Variants in SMC1B observed in about 807,000 individuals in gnomAD.
SMC1B encodes the protein structural maintenance of chromosomes protein 1B.
A neutral mutation model predicts 157.9 loss-of-function variants in SMC1B; 60 were observed. The observed-to-expected ratio is 0.38, with a 90% CI of 0.31 to 0.47. SMC1B has a LOEUF of 0.47. SMC1B is among the 20% of genes least tolerant of loss of function. The pLI is 0.99. For synonymous variants in SMC1B, 445 were observed against 483.0 expected (o/e 0.92, Z 1.03); for missense variants, 1,165 against 1,426.2 (o/e 0.82, Z 2.95).
At chr22:45,400,065 T>C (rs2087174602) in intron 5 of SMC1B, among the ~76,000 whole-genome samples, 1 of 152,310 alleles carries the variant, frequency 6.6e-6, no homozygotes, top group African/African-American at 2.4e-5. Context: ...ATATAGATGG[T>C]CACATATGAA....
chr22:45,384,966 C>G (rs1278623766), intron 11 of SMC1B, among the ~76,000 whole-genome samples: 1 of 152,062 alleles, frequency 6.6e-6, no homozygotes, highest in East Asian at 1.9e-4. Flanking sequence ...TACTTACTGA[C>G]ATTTTTCTGG....
At chr22:45,378,019 T>A (rs1343934182) in intron 12 of SMC1B, among the ~76,000 whole-genome samples, 1 of 152,110 alleles carries the variant, frequency 6.6e-6, no homozygotes, top group African/African-American at 2.4e-5. Context: ...TTTAATTTTT[T>A]ATTTTTTGTA....
chr22:45,350,309 C>T (rs2086600027), intron 22 of SMC1B, among the ~76,000 whole-genome samples: 3 of 144,836 alleles, frequency 2.1e-5, no homozygotes, highest in South Asian at 4.4e-4. Flanking sequence ...GATGGAGTCC[C>T]GCTCTGTCAC....
intron 5 of SMC1B, among the ~76,000 whole-genome samples, chr22:45,401,041 ATGGTATTCTGG>A (rs2087186388): frequency 6.6e-6 from 1 of 152,258 alleles, no homozygotes; most frequent in African/African-American, 2.4e-5. Context: ...TAAATGTAAT[ATGGTATTCTGG>A]ATCATAAAAA....
rs551246780 is a variant in SMC1B at position 45,344,544 on chromosome 22, G to C, written c.*12C>G. On this transcript the variant is annotated 3_prime_UTR_variant, in exon 25 of 25. Coordinates refer to ENST00000357450, the MANE Select transcript of SMC1B (RefSeq NM_148674.5). ...ACTGAACAGTGATCAGGTGACTGCTGCAGGACTGCCCCTAGCGGGACTCTC... is the reference window on the plus strand; with the variant it reads ...ACTGAACAGTGATCAGGTGACTGCTCCAGGACTGCCCCTAGCGGGACTCTC... The C allele has an allele frequency of 3.1e-6, 5 of 1,589,654 alleles. No homozygotes were observed. The East Asian group carries it at 6.7e-5, about 21-fold the overall frequency.
At chr22:45,352,151 C>G (rs2086621734) in intron 22 of SMC1B, among the ~76,000 whole-genome samples, 1 of 151,370 alleles carries the variant, frequency 6.6e-6, no homozygotes, top group African/African-American at 2.4e-5. Context: ...ACTCAGGTGA[C>G]TCAGGCAGAA....
chr22:45,377,855 C>CT (rs897467093), intron 12 of SMC1B, among the ~76,000 whole-genome samples: 172 of 144,566 alleles, frequency 1.2e-3, no homozygotes, highest in Middle Eastern at 0.011. Flanking sequence ...AATTGCTTTC[C>CT]TTTTTTTTTT....
At chr22:45,356,370 G>A (rs916988623) in intron 19 of SMC1B, among the ~76,000 whole-genome samples, 17 of 152,194 alleles carry the variant, frequency 1.1e-4, no homozygotes, top group Admixed American at 4.6e-4. Context: ...GGCTTTGTAG[G>A]TAAAACCTTT....
chr22:45,409,609 T>TAAA (rs71190664), intron 1 of SMC1B, among the ~76,000 whole-genome samples: 11,955 of 83,996 alleles, frequency 0.14, 624 homozygotes, highest in East Asian at 0.25. Flanking sequence ...AATAAATAAA[T>TAAA]AAAAACAAGA....
intron 9 of SMC1B, among the ~76,000 whole-genome samples, chr22:45,390,313 T>TA (rs1237240408): frequency 6.6e-6 from 1 of 151,922 alleles, no homozygotes; most frequent in African/African-American, 2.4e-5. Context: ...GAGGAAGACA[T>TA]AAATAATCAA....
intron 8 of SMC1B, 32 bp downstream of exon 8, chr22:45,394,653 T>C (rs768701837): frequency 6.7e-6 from 10 of 1,490,632 alleles, no homozygotes; most frequent in Non-Finnish European, 9.0e-6. Flanking sequence ...TAAAAGAAAA[T>C]TGCTGCAAGA....
chr22:45,349,823 G>A (rs2086593286), intron 22 of SMC1B, 26 bp from the exon 23 acceptor site: 1 of 1,551,484 alleles, frequency 6.4e-7, no homozygotes, highest in East Asian at 2.2e-5. Flanking sequence ...AATCAAGTAA[G>A]TTACAATTTT....
At chr22:45,412,501 T>A (rs77355893) in intron 1 of SMC1B, among the ~76,000 whole-genome samples, 1 of 35,922 alleles carries the variant, frequency 2.8e-5, no homozygotes, top group Admixed American at 2.8e-4. Context: ...GCCCAGCCTT[T>A]TTTTTTTTTT....
intron 12 of SMC1B, among the ~76,000 whole-genome samples, chr22:45,372,751 C>T (rs566963220): frequency 7.1e-4 from 101 of 142,782 alleles, no homozygotes; most frequent in Non-Finnish European, 1.2e-3. Flanking sequence ...CTTGCTCTGT[C>T]GCCCAGACTG....
chr22:45,393,771 T>C lies in SMC1B; in HGVS notation c.1408A>G (p.Met470Val). ...VDEIEKTKSR[M>V]SEVNEELNLI... ...TTCAATTCTTCATTAACTTCAGACA[T>C]TCTTGATTTTGTTTTTTCAATTTCA... Residue 470 changes from methionine to valine, a missense_variant, in exon 9 of 25, where the codon ATG (methionine) becomes GTG (valine). Transcript: ENST00000357450. 3.1e-6 allele frequency: 5 copies of C among 1,613,848 alleles called. No individual in the cohort carries two copies. The highest frequency in any genetic ancestry group is 3.4e-6 in the Non-Finnish European group (4 of 1,179,770).
chr22:45,406,726 A>T, intron 3 of SMC1B, 27 bp downstream of exon 3: 1 of 1,584,728 alleles, frequency 6.3e-7, no homozygotes, highest in Non-Finnish European at 8.6e-7. Context: ...AAAACTCTGA[A>T]TCAAATAAAC....
intron 9 of SMC1B, among the ~76,000 whole-genome samples, chr22:45,391,266 T>C (rs1362047585): frequency 1.3e-5 from 2 of 152,228 alleles, no homozygotes; most frequent in Admixed American, 1.3e-4. Flanking sequence ...ATTACTTACA[T>C]GCTAACTATA....
chr22:45,411,578 A>G (rs879868674), intron 1 of SMC1B, among the ~76,000 whole-genome samples: 3 of 152,082 alleles, frequency 2.0e-5, no homozygotes, highest in Non-Finnish European at 4.4e-5. Flanking sequence ...TTATTTATTT[A>G]TTTATTTTTA....
chr22:45,399,784 G>A (rs1243354833), intron 5 of SMC1B, among the ~76,000 whole-genome samples: 1 of 152,138 alleles, frequency 6.6e-6, no homozygotes, highest in Non-Finnish European at 1.5e-5. Context: ...AGAAATGAGT[G>A]GAGTCTGTAA....
Sources: allele counts gnomAD v4.1 joint callset (sites outside exome capture counted in the v4.1 genomes callset), GRCh38; gene constraint gnomAD v4.1.1; transcripts MANE v1.5; gene names NCBI Gene and HGNC (gene_info 2026-07-23, HGNC 2026-07-21).